The following CLNK variants were observed in gnomAD, a reference collection of about 807,000 sequenced individuals.
CLNK encodes cytokine dependent hematopoietic cell linker.
Under a neutral mutation model 68.6 loss-of-function variants are expected in CLNK, and 74 were observed. The ratio of observed to expected loss-of-function variants is 1.08; its 90% CI spans 0.89 to 1.31. The LOEUF (loss-of-function observed/expected upper bound fraction) is 1.31. Ranked by LOEUF, CLNK falls within the 50% of genes most tolerant of loss-of-function variation. CLNK has a pLI of 0.00. For synonymous variants in CLNK, 198 were observed against 172.2 expected, an observed-to-expected ratio of 1.15 and a Z score of -1.17; for missense variants, 553 against 515.3, an observed-to-expected ratio of 1.07 and a Z score of -0.71.
At chr4:10,558,473 C>A in intron 7 of CLNK, 21 bp from the exon 8 acceptor site, 2 of 1,609,960 alleles carry the variant, frequency 1.2e-6, no homozygotes, top group Non-Finnish European at 1.7e-6. Context: ...CAATGAGGCA[C>A]CATTATCTCT....
At chr4:10,679,685 C>T (rs1479490823) in intron 1 of CLNK, among the ~76,000 whole-genome samples, 1 of 152,114 alleles carries the variant, frequency 6.6e-6, no homozygotes, top group Admixed American at 6.5e-5. Context: ...AAACAAACAA[C>T]CCCATCAAAA....
the CLNK span, among the ~76,000 whole-genome samples, chr4:10,716,917 C>T: frequency 6.6e-6 from 1 of 152,070 alleles, no homozygotes; most frequent in Non-Finnish European, 1.5e-5. Flanking sequence ...TGGTCTTGAA[C>T]TCCTGACCTC....
At chr4:10,632,842 T>C (rs1219494966) in intron 2 of CLNK, among the ~76,000 whole-genome samples, 2 of 152,238 alleles carry the variant, frequency 1.3e-5, no homozygotes, top group Non-Finnish European at 2.9e-5. Flanking sequence ...AGGAACTAAA[T>C]ACTATTTAAA....
intron 8 of CLNK, among the ~76,000 whole-genome samples, chr4:10,550,843 G>A (rs1052832874): frequency 3.3e-5 from 5 of 152,070 alleles, no homozygotes; most frequent in Non-Finnish European, 7.4e-5. Context: ...CTTCTCTTTG[G>A]CAAATCAGAA....
At chr4:10,535,213 G>GAGAAAGAAAGAAAGAAAGAAAGAAACAA (rs1718701157) in intron 11 of CLNK, among the ~76,000 whole-genome samples, 21 of 131,298 alleles carry the variant, frequency 1.6e-4, no homozygotes, top group African/African-American at 5.7e-4. Context: ...AAGAAAGAAA[G>GAGAAAGAAAGAAAGAAAGAAAGAAACAA]AGAAAGAAAG....
chr4:10,489,724 T>A lies in CLNK; in HGVS notation c.*743A>T, dbSNP rs1276727445. On this transcript the variant is annotated 3_prime_UTR_variant, in exon 19 of 19. Coordinates refer to ENST00000226951, the MANE Select transcript of CLNK (RefSeq NM_052964.4). The stretch of plus-strand genomic sequence containing the variant: ...GTCCCCAGGCTGGATTGGAGTGCAG[T>A]GGCGCGATTTCGGCTCACTGCAAGC... 1 of 37,632 alleles carries A rather than the reference T, an allele frequency of 2.7e-5. No individual in the cohort carries two copies. 2.3% of individuals were successfully genotyped at this position (37,632 alleles called of 1,614,324 possible).
intron 11 of CLNK, among the ~76,000 whole-genome samples, chr4:10,537,734 T>TCTTTCTTTCTTTCTTC (rs1718854017): frequency 7.4e-6 from 1 of 135,312 alleles, no homozygotes; most frequent in African/African-American, 2.8e-5. Flanking sequence ...TTTCTTTCTT[T>TCTTTCTTTCTTTCTTC]CTTCCTTTCT....
At chr4:10,681,408 CCTTAT>C (rs1365978188) in intron 1 of CLNK, among the ~76,000 whole-genome samples, 1 of 152,104 alleles carries the variant, frequency 6.6e-6, no homozygotes, top group Admixed American at 6.6e-5. Context: ...ATTAGTCAGC[CCTTAT>C]CTTTATCTTA....
intron 18 of CLNK, among the ~76,000 whole-genome samples, 178 bp downstream of exon 18, chr4:10,501,078 C>T (rs562890486): frequency 2.0e-5 from 3 of 152,326 alleles, no homozygotes; most frequent in African/African-American, 2.4e-5. Flanking sequence ...CAGAACTGGT[C>T]GCTGGCCTGG....
At chr4:10,568,424 A>G (rs1469306937) in intron 5 of CLNK, among the ~76,000 whole-genome samples, 1 of 152,172 alleles carries the variant, frequency 6.6e-6, no homozygotes, top group Non-Finnish European at 1.5e-5. Context: ...AAATATATTG[A>G]TTGGAGTGAT....
At chr4:10,656,934 G>T (rs1233976132) in intron 2 of CLNK, among the ~76,000 whole-genome samples, 4 of 152,240 alleles carry the variant, frequency 2.6e-5, no homozygotes, top group Non-Finnish European at 5.9e-5. Flanking sequence ...GTACATTGGG[G>T]CAGTCATAAA....
intron 7 of CLNK, among the ~76,000 whole-genome samples, chr4:10,563,917 A>G (rs1196283881): frequency 6.7e-6 from 1 of 148,532 alleles, no homozygotes; most frequent in Admixed American, 6.6e-5. Flanking sequence ...AAAAAAAGAA[A>G]AGAAAAGAAA....
At chr4:10,602,198 C>G (rs1721610813) in intron 2 of CLNK, among the ~76,000 whole-genome samples, 1 of 152,220 alleles carries the variant, frequency 6.6e-6, no homozygotes, top group Non-Finnish European at 1.5e-5. Context: ...TTGTCCCTAT[C>G]TAATTTCCCC....
At chr4:10,615,209 G>A (rs1290173034) in intron 2 of CLNK, among the ~76,000 whole-genome samples, 1 of 151,882 alleles carries the variant, frequency 6.6e-6, no homozygotes, top group African/African-American at 2.4e-5. Context: ...GCTGGGCGCG[G>A]TGGCTTATGC....
At chr4:10,616,755 A>G (rs1235667073) in intron 2 of CLNK, among the ~76,000 whole-genome samples, 1 of 149,066 alleles carries the variant, frequency 6.7e-6, no homozygotes, top group Non-Finnish European at 1.5e-5. Context: ...AGTAACATTT[A>G]TAATAAAGTT....
chr4:10,553,119 T>C (rs1719527187), intron 8 of CLNK, among the ~76,000 whole-genome samples: 1 of 152,142 alleles, frequency 6.6e-6, no homozygotes, highest in Admixed American at 6.5e-5. Flanking sequence ...TTTCATAGAT[T>C]AAGGAATATC....
rs961998298 is a variant in CLNK, at chr4:10,486,714, T to G, written c.*3753A>C. 6.6e-5 allele frequency: 10 copies of G among 151,996 alleles called. No homozygotes were observed. The highest frequency in any genetic ancestry group is 2.2e-4 in the African/African-American group (9 of 41,376). 9.4% of individuals were successfully genotyped at this position (151,996 alleles called of 1,614,324 possible). A position where few individuals can be genotyped will look rare whatever the true frequency, so the allele number is the denominator to read the frequency against. ...CAGGCACACACATGCACACCCCACATAAATAAGTTTGGGAAAATTTTAAAT... is the reference window on the plus strand; with the variant it reads ...CAGGCACACACATGCACACCCCACAGAAATAAGTTTGGGAAAATTTTAAAT... On this transcript the variant is annotated 3_prime_UTR_variant, in exon 19 of 19. Coordinates refer to ENST00000226951, the MANE Select transcript of CLNK (RefSeq NM_052964.4).
the CLNK span, among the ~76,000 whole-genome samples, chr4:10,712,464 G>C: frequency 1.3e-5 from 2 of 152,184 alleles, no homozygotes; most frequent in African/African-American, 4.8e-5. Context: ...CTAACAATGG[G>C]AGGAATTTAG....
Position 10,540,549 on chromosome 4 carries a change from T to C in CLNK, c.547A>G (p.Ser183Gly), listed in dbSNP as rs752662413. ...YQPLPPEPES[S>G]RPPLSQRHTF... ...TGTCTCTGAGATAAAGGTGGCCTGC[T>C]GCTCTCCGGCTCAGGGGGCAAGGGT... Residue 183 changes from serine (S) to glycine (G), a missense_variant, in exon 11 of 19, where the codon AGC becomes GGC. Physicochemically the swap from Ser to Gly is moderately conservative, Grantham distance 56. Coordinates refer to ENST00000226951, the MANE Select transcript of CLNK (RefSeq NM_052964.4). 1 of 1,613,930 alleles carries C rather than the reference T, an allele frequency of 6.2e-7. No homozygotes were observed. Among genetic ancestry groups the C allele is most frequent in the Non-Finnish European group, 8.5e-7 (1 of 1,179,848 alleles).
Sources: gnomAD v4.1 joint callset for allele counts (sites outside exome capture counted in the v4.1 genomes callset) on GRCh38, gnomAD v4.1.1 for gene constraint, MANE v1.5 for transcripts, NCBI Gene and HGNC (gene_info 2026-07-23, HGNC 2026-07-21) for gene names.